The following PTGIS variants were observed in gnomAD, a reference collection of about 807,000 sequenced individuals.
PTGIS encodes prostaglandin I2 synthase, also known as prostacyclin synthase.
Under a neutral mutation model 50.3 loss-of-function variants are expected in PTGIS, and 45 were observed. The observed-to-expected ratio is 0.90, with a 90% CI of 0.70 to 1.15. The LOEUF (loss-of-function observed/expected upper bound fraction) is 1.15. Ranked by LOEUF, PTGIS falls within the 50% of genes most tolerant of loss-of-function variation. The pLI, the probability that PTGIS is intolerant of heterozygous loss-of-function variation, is 0.00. For synonymous variants in PTGIS, 260 were observed against 267.7 expected (o/e 0.97, Z 0.28); for missense variants, 668 against 661.3 (o/e 1.01, Z -0.11).
chr20:49,559,342 C>T (rs1601205102), intron 1 of PTGIS, among the ~76,000 whole-genome samples: 1 of 152,132 alleles, frequency 6.6e-6, no homozygotes, highest in East Asian at 1.9e-4. Flanking sequence ...CTCCTCTTGC[C>T]TTCGGAAACG....
rs200079731 is a variant in PTGIS at position 49,560,984 on chromosome 20, G to A, written c.74+7059C>T. ...GAAAGACAAGAGGAAGGAAGGAGATGTGTCAGGGAACTACCGTGACCCCCC... is the reference window on the plus strand; with the variant it reads ...GAAAGACAAGAGGAAGGAAGGAGATATGTCAGGGAACTACCGTGACCCCCC... On this transcript the variant is annotated intron_variant, in intron 1 of 9. Coordinates refer to ENST00000244043, the MANE Select transcript of PTGIS (RefSeq NM_000961.4). 3.3e-5 allele frequency among the ~76,000 whole-genome samples: 5 copies of A among 152,070 alleles called. No homozygotes were observed. In the East Asian group the frequency reaches 9.7e-4, roughly 29 times the overall value.
chr20:49,549,960 G>C lies in PTGIS; in HGVS notation c.198+106C>G, dbSNP rs904488049. 7 of 1,566,546 alleles carry C rather than the reference G, an allele frequency of 4.5e-6. No individual in the cohort carries two copies. In the Admixed American group the frequency reaches 6.7e-5, roughly 15 times the overall value. On this transcript the variant is annotated intron_variant, in intron 2 of 9. Coordinates refer to ENST00000244043, the MANE Select transcript of PTGIS (RefSeq NM_000961.4). ...CCACTCAGATGGATGTTGGATGGTG[G>C]GGTGGGGGGGTTGGCATAGGGACAT...
In PTGIS at chr20:49,505,115, T is replaced by G. The variant is rs1394128478; in HGVS notation, c.*2805A>C. On this transcript the variant is annotated 3_prime_UTR_variant, in exon 10 of 10. Coordinates refer to ENST00000244043, the MANE Select transcript of PTGIS (RefSeq NM_000961.4). Reference sequence around the variant, plus strand: ...TCTAGCCTGGGCAGCAGAGCGAGACTCCATCTCAAAAAAAAAAAAAAAAAA... The same window carrying G: ...TCTAGCCTGGGCAGCAGAGCGAGACGCCATCTCAAAAAAAAAAAAAAAAAA... 1 of 104,614 alleles carries G rather than the reference T, an allele frequency of 9.6e-6. No individual in the cohort carries two copies. The highest frequency in any genetic ancestry group is 4.8e-5 in the African/African-American group (1 of 20,692). 6.5% of individuals were successfully genotyped at this position (104,614 alleles called of 1,614,324 possible). A position where few individuals can be genotyped will look rare whatever the true frequency, so the allele number is the denominator to read the frequency against.
chr20:49,555,906 A>G (rs1183016247), intron 1 of PTGIS, among the ~76,000 whole-genome samples: 1 of 152,232 alleles, frequency 6.6e-6, no homozygotes, highest in Non-Finnish European at 1.5e-5. Flanking sequence ...AACTTCCAGG[A>G]CTGTCATGGA....
At chr20:49,535,441 T>C (rs1159234623) in intron 5 of PTGIS, among the ~76,000 whole-genome samples, 1 of 152,190 alleles carries the variant, frequency 6.6e-6, no homozygotes, top group Admixed American at 6.5e-5. Flanking sequence ...AGATAGAATA[T>C]TGACATCTGT....
chr20:49,533,684 T>C (rs902028972), intron 5 of PTGIS, among the ~76,000 whole-genome samples: 1 of 152,070 alleles, frequency 6.6e-6, no homozygotes, highest in East Asian at 1.9e-4. Flanking sequence ...TGGCCGGGTG[T>C]GGTGGCTCAC....
Position 49,507,641 on chromosome 20 carries a change from A to G in PTGIS, c.*279T>C, listed in dbSNP as rs753950035. On this transcript the variant is annotated 3_prime_UTR_variant, in exon 10 of 10. Coordinates refer to ENST00000244043, the MANE Select transcript of PTGIS (RefSeq NM_000961.4). ...CCTTATCTGAATAGCATTTGTGGATATCACGAGGTGAGAGTAACGAGGTGA... is the reference window on the plus strand; with the variant it reads ...CCTTATCTGAATAGCATTTGTGGATGTCACGAGGTGAGAGTAACGAGGTGA... 118 of 507,282 alleles carry G rather than the reference A, an allele frequency of 2.3e-4. No homozygotes were observed. Among genetic ancestry groups the G allele is most frequent in the Non-Finnish European group, 3.8e-4 (106 of 278,690 alleles). 31.4% of individuals were successfully genotyped at this position (507,282 alleles called of 1,614,324 possible). A position where few individuals can be genotyped will look rare whatever the true frequency, so the allele number is the denominator to read the frequency against.
rs1982201572 is a variant in PTGIS, at chr20:49,540,654, G to A, written c.522-933C>T. Among the ~76,000 whole-genome samples the A allele has an allele frequency of 1.3e-5, 2 of 151,680 alleles. No individual in the cohort carries two copies. Among genetic ancestry groups the A allele is most frequent in the African/African-American group, 4.8e-5 (2 of 41,360 alleles). Reference sequence around the variant, plus strand: ...ATGAGCTCTCATGTGCTCTCACTGAGGCACACTTACGCACACGCACACGCA... The same window carrying A: ...ATGAGCTCTCATGTGCTCTCACTGAAGCACACTTACGCACACGCACACGCA... On this transcript the variant is annotated intron_variant, in intron 4 of 9. Coordinates refer to ENST00000244043, the MANE Select transcript of PTGIS (RefSeq NM_000961.4). The surrounding 1 kb of genome is among the most constrained non-coding windows in gnomAD (Gnocchi z 4.8).
chr20:49,545,290 G>A (rs561719253), intron 3 of PTGIS, among the ~76,000 whole-genome samples: 28 of 152,152 alleles, frequency 1.8e-4, no homozygotes, highest in African/African-American at 6.5e-4. Flanking sequence ...TGTGTAGTAG[G>A]TGCCTGTAGT....
intron 6 of PTGIS, among the ~76,000 whole-genome samples, chr20:49,515,191 T>A (rs749200490): frequency 3.9e-5 from 6 of 152,268 alleles, no homozygotes; most frequent in Non-Finnish European, 8.8e-5. Flanking sequence ...ATGCTTTGTA[T>A]CTTCAAATTC....
At chr20:49,552,643 G>C (rs979756164) in intron 1 of PTGIS, among the ~76,000 whole-genome samples, 11 of 152,054 alleles carry the variant, frequency 7.2e-5, no homozygotes, top group African/African-American at 2.7e-4. Context: ...TAATGAAACA[G>C]GTTATCAAGA....
At chr20:49,554,948 T>C (rs1982590466) in intron 1 of PTGIS, among the ~76,000 whole-genome samples, 1 of 152,152 alleles carries the variant, frequency 6.6e-6, no homozygotes, top group African/African-American at 2.4e-5. Flanking sequence ...GCTTATTATT[T>C]GGAAAATTAA....
Position 49,505,285 on chromosome 20 carries a change from G to C in PTGIS, c.*2635C>G, listed in dbSNP as rs1981119176. On this transcript the variant is annotated 3_prime_UTR_variant, in exon 10 of 10. Transcript: ENST00000244043. The stretch of plus-strand genomic sequence containing the variant: ...GTAACTTCCTAACTAGCGCATAGCA[G>C]GTAGCTAACCCACTCATCTCTCCCT... The C allele has an allele frequency of 6.6e-6, 1 of 152,100 alleles. No individual in the cohort carries two copies. The highest frequency in any genetic ancestry group is 1.5e-5 in the Non-Finnish European group (1 of 68,026). The allele number at this position is 152,100 out of a possible 1,614,324, so 9.4% of individuals were successfully genotyped here. A position where few individuals can be genotyped will look rare whatever the true frequency, so the allele number is the denominator to read the frequency against.
At chr20:49,543,786 TAACTC>T (rs1250338731) in intron 4 of PTGIS, among the ~76,000 whole-genome samples, 1 of 152,170 alleles carries the variant, frequency 6.6e-6, no homozygotes, top group Non-Finnish European at 1.5e-5. Context: ...CTCTCTGACA[TAACTC>T]AATTCGGCCT....
intron 1 of PTGIS, among the ~76,000 whole-genome samples, chr20:49,565,223 C>T (rs912322447): frequency 1.4e-4 from 21 of 151,994 alleles, no homozygotes; most frequent in East Asian, 7.7e-4. Flanking sequence ...CCTCGTGATC[C>T]GCCCTCCCGG....
intron 6 of PTGIS, among the ~76,000 whole-genome samples, chr20:49,522,005 G>T (rs1981663990): frequency 6.6e-6 from 1 of 151,584 alleles, no homozygotes; most frequent in Non-Finnish European, 1.5e-5. Context: ...TTTTGCTTTT[G>T]CCCCCAAGAT....
At chr20:49,534,249 C>T (rs1335074855) in intron 5 of PTGIS, among the ~76,000 whole-genome samples, 1 of 152,124 alleles carries the variant, frequency 6.6e-6, no homozygotes, top group Non-Finnish European at 1.5e-5. Flanking sequence ...AGGATAAATT[C>T]CTAGAAGTGG....
At chr20:49,521,518 C>A (rs1746939268) in intron 6 of PTGIS, among the ~76,000 whole-genome samples, 1 of 152,196 alleles carries the variant, frequency 6.6e-6, no homozygotes, top group South Asian at 2.1e-4. Flanking sequence ...AGCCAGCATC[C>A]AGTTTTGCTG....
At chr20:49,546,443 C>G (rs1982362031) in intron 3 of PTGIS, among the ~76,000 whole-genome samples, 1 of 152,204 alleles carries the variant, frequency 6.6e-6, no homozygotes, top group African/African-American at 2.4e-5. Context: ...ATCATGCTGG[C>G]CTTGCTTCAG....
Sources: allele counts gnomAD v4.1 joint callset (sites outside exome capture counted in the v4.1 genomes callset), GRCh38; gene constraint gnomAD v4.1.1; non-coding constraint Gnocchi (gnomAD v3.1); transcripts MANE v1.5; gene names NCBI Gene and HGNC (gene_info 2026-07-23, HGNC 2026-07-21).